Variants in HECW2 observed in about 807,000 individuals in gnomAD.
HECW2 encodes the protein HECT, C2 and WW domain containing E3 ubiquitin protein ligase 2, also known as E3 ubiquitin-protein ligase HECW2.
In HECW2, 61 loss-of-function variants were observed where a neutral mutation model predicts 175.2. The observed-to-expected ratio is 0.35, with a 90% CI of 0.28 to 0.43. The LOEUF (loss-of-function observed/expected upper bound fraction) is 0.43. Ranked by LOEUF, HECW2 falls within the 20% of genes least tolerant of loss-of-function variation. HECW2 has a pLI of 1.00. For synonymous variants in HECW2, 671 were observed against 731.0 expected (o/e 0.92, Z 1.32); for missense variants, 1,524 against 2,000.5 (o/e 0.76, Z 4.54).
intron 10 of HECW2, chr2:196,316,221 G>A (rs1691689009): frequency 6.6e-6 from 1 of 152,256 alleles, no homozygotes; most frequent in Non-Finnish European, 1.5e-5. Flanking sequence ...AAACAAACAA[G>A]GGAAAGATCT....
intron 10 of HECW2, among the ~76,000 whole-genome samples, chr2:196,311,968 T>C (rs1394516823): frequency 1.3e-5 from 2 of 152,166 alleles, no homozygotes; most frequent in East Asian, 3.8e-4. Flanking sequence ...AAGGTTACTG[T>C]CACAGCACTG....
intron 24 of HECW2, among the ~76,000 whole-genome samples, chr2:196,221,583 G>A (rs1013504069): frequency 6.6e-6 from 1 of 151,964 alleles, no homozygotes; most frequent in Non-Finnish European, 1.5e-5. Context: ...TTTTGAGACA[G>A]GGTCTCACTC....
intron 1 of HECW2, among the ~76,000 whole-genome samples, chr2:196,591,406 T>A (rs1011060122): frequency 6.6e-6 from 1 of 152,200 alleles, no homozygotes; most frequent in Non-Finnish European, 1.5e-5. Flanking sequence ...TGCAACTGAT[T>A]TTCCCCCAGA....
intron 4 of HECW2, 23 bp from the exon 5 acceptor site, chr2:196,329,673 T>C: frequency 1.2e-6 from 2 of 1,605,992 alleles, no homozygotes; most frequent in African/African-American, 1.3e-5. Context: ...AACATGCATC[T>C]GAAGTTTCAG....
chr2:196,474,222 T>C (rs1697329173), intron 1 of HECW2, among the ~76,000 whole-genome samples: 1 of 152,234 alleles, frequency 6.6e-6, no homozygotes, highest in Non-Finnish European at 1.5e-5. Flanking sequence ...TAGCAAAGTA[T>C]TATAAATATG....
At chr2:196,208,619 A>G (rs1687151916) in intron 28 of HECW2, among the ~76,000 whole-genome samples, 1 of 152,232 alleles carries the variant, frequency 6.6e-6, no homozygotes, top group Non-Finnish European at 1.5e-5. Flanking sequence ...GGCCTTTCTC[A>G]GGAGATCACC....
In HECW2 at chr2:196,370,901, TA is replaced by T. The variant is rs1011300382; in HGVS notation, c.293-27138del. 2.0e-4 allele frequency among the ~76,000 whole-genome samples: 30 copies of T among 152,330 alleles called. No homozygotes were observed. In the East Asian group the frequency reaches 3.7e-3, roughly 19 times the overall value. ...TGTGCCACTTGCTGCTGCTGGAGGA[TA>T]GGGGGGATGCAGTGTCAGCAATGAA... On this transcript the variant is annotated intron_variant, in intron 2 of 28. Coordinates refer to ENST00000644978, the MANE Select transcript of HECW2 (RefSeq NM_001348768.2).
rs1197821568 is a variant in HECW2, at chr2:196,196,212, G to A, written c.*5065C>T. The A allele has an allele frequency of 2.0e-5, 3 of 152,134 alleles. No homozygotes were observed. Among genetic ancestry groups the A allele is most frequent in the African/African-American group, 4.8e-5 (2 of 41,402 alleles). 9.4% of individuals were successfully genotyped at this position (152,134 alleles called of 1,614,324 possible). ...TCAATAATTAGCATTATATTCTTGC[G>A]GGGTGGCACAACTGCTGGGCTCCTC... On this transcript the variant is annotated 3_prime_UTR_variant, in exon 29 of 29. Transcript: ENST00000644978.
chr2:196,230,489 CCTT>C (rs1486880590), intron 21 of HECW2, among the ~76,000 whole-genome samples: 1 of 152,178 alleles, frequency 6.6e-6, no homozygotes, highest in Non-Finnish European at 1.5e-5. Flanking sequence ...GTCCCAGCCT[CCTT>C]CTCTCCCTTT....
chr2:196,411,973 G>A (rs1163408203), intron 2 of HECW2, among the ~76,000 whole-genome samples: 1 of 152,168 alleles, frequency 6.6e-6, no homozygotes, highest in Non-Finnish European at 1.5e-5. Flanking sequence ...TTGCACCAGT[G>A]CACTGCAGCC....
intron 17 of HECW2, chr2:196,264,110 G>A (rs751934245): frequency 5.9e-5 from 9 of 152,104 alleles, no homozygotes; most frequent in Non-Finnish European, 1.2e-4. Context: ...TGTTTGCTTT[G>A]TAAGAAATGC....
intron 21 of HECW2, among the ~76,000 whole-genome samples, chr2:196,237,433 T>C (rs1688295857): frequency 6.6e-6 from 1 of 152,182 alleles, no homozygotes; most frequent in African/African-American, 2.4e-5. Context: ...TGAGTGAGAA[T>C]GTAAGATATT....
chr2:196,535,794 G>T (rs904710188), intron 1 of HECW2, among the ~76,000 whole-genome samples: 1 of 152,144 alleles, frequency 6.6e-6, no homozygotes, highest in African/African-American at 2.4e-5. Context: ...GGGACAAACT[G>T]CCATAAATTA....
At chr2:196,368,669 T>C (rs896849321) in intron 2 of HECW2, among the ~76,000 whole-genome samples, 1 of 152,128 alleles carries the variant, frequency 6.6e-6, no homozygotes. Context: ...TCTTTTTTAT[T>C]CTTTTTTGTC....
chr2:196,405,063 C>T (rs1694930252), intron 2 of HECW2, among the ~76,000 whole-genome samples: 1 of 151,144 alleles, frequency 6.6e-6, no homozygotes, highest in Admixed American at 6.6e-5. Flanking sequence ...AATCTCCTGA[C>T]CTCGTGATCC....
intron 10 of HECW2, among the ~76,000 whole-genome samples, chr2:196,309,748 A>G (rs576074503): frequency 6.6e-5 from 10 of 152,342 alleles, no homozygotes; most frequent in African/African-American, 2.4e-4. Flanking sequence ...TTAAAAATGT[A>G]GAATAGGTCA....
Position 196,533,473 on chromosome 2 carries a change from GT to G in HECW2, c.-36+60034del, listed in dbSNP as rs1227852901. ...AGAGACTACTCATCTTTTTTTGTGT[GT>G]GTGGGGGGGTATCTTTTATCTAATT... On this transcript the variant is annotated intron_variant, in intron 1 of 28. Coordinates refer to ENST00000644978, the MANE Select transcript of HECW2 (RefSeq NM_001348768.2). 1.1e-3 allele frequency among the ~76,000 whole-genome samples: 173 copies of G among 151,946 alleles called. 1 individual carries two copies. The highest frequency in any genetic ancestry group is 3.4e-3 in the Middle Eastern group (1 of 294).
At chr2:196,215,435 T>TG (rs1441265755) in intron 28 of HECW2, among the ~76,000 whole-genome samples, 1 of 152,332 alleles carries the variant, frequency 6.6e-6, no homozygotes, top group Non-Finnish European at 1.5e-5. Context: ...AATTAAGACA[T>TG]GTACGAGACA....
chr2:196,315,902 T>C (rs1184925390), intron 10 of HECW2: 1 of 152,192 alleles, frequency 6.6e-6, no homozygotes, highest in Non-Finnish European at 1.5e-5. Context: ...CCTCTGAAAC[T>C]CTAAATGACT....
Sources: gnomAD v4.1 joint callset for allele counts (sites outside exome capture counted in the v4.1 genomes callset) on GRCh38, gnomAD v4.1.1 for gene constraint, MANE v1.5 for transcripts, NCBI Gene and HGNC (gene_info 2026-07-23, HGNC 2026-07-21) for gene names.